The following CLIC5 variants were observed in gnomAD, a reference collection of about 807,000 sequenced individuals.
CLIC5 encodes CLIC family member 5.
A neutral mutation model predicts 24.7 loss-of-function variants in CLIC5; 20 were observed. The ratio of observed to expected loss-of-function variants is 0.81; its 90% CI spans 0.57 to 1.18. The LOEUF is 1.18. CLIC5 is among the 50% of genes most tolerant of loss of function. The probability of loss-of-function intolerance (pLI) is 0.00; values close to 1 mark genes in which losing one functional copy is unlikely to be tolerated. For missense variants in CLIC5, 341 were observed against 326.1 expected (o/e 1.05, Z -0.35); for synonymous variants, 159 against 135.6 (o/e 1.17, Z -1.20).
At chr6:45,958,846 G>T (rs1343927173) in intron 1 of CLIC5, among the ~76,000 whole-genome samples, 1 of 152,034 alleles carries the variant, frequency 6.6e-6, no homozygotes, top group African/African-American at 2.4e-5. Context: ...TATATTCAGT[G>T]CCTATTTAAA....
the CLIC5 span, among the ~76,000 whole-genome samples, chr6:46,087,992 C>T: frequency 1.3e-5 from 2 of 152,124 alleles, no homozygotes; most frequent in Non-Finnish European, 2.9e-5. Context: ...TTTCTCACCC[C>T]AGGTTCTTTT....
At chr6:45,919,717 C>A (rs1277392769) in intron 4 of CLIC5, among the ~76,000 whole-genome samples, 3 of 152,092 alleles carry the variant, frequency 2.0e-5, no homozygotes, top group African/African-American at 7.2e-5. Context: ...ACATCTTAGA[C>A]AATAGGTTGG....
the CLIC5 span, among the ~76,000 whole-genome samples, chr6:46,093,445 A>G: frequency 2.6e-5 from 4 of 152,232 alleles, no homozygotes; most frequent in Non-Finnish European, 5.9e-5. Flanking sequence ...AAGGATACTA[A>G]TATGACTGAT....
intron 6 of CLIC5, among the ~76,000 whole-genome samples, chr6:45,881,582 C>T (rs371280857): frequency 2.6e-5 from 4 of 152,182 alleles, no homozygotes; most frequent in East Asian, 3.9e-4. Context: ...TTTTTGTTTG[C>T]ATTAAGTGTG....
At chr6:45,995,253 G>A (rs1158121234) in intron 1 of CLIC5, among the ~76,000 whole-genome samples, 2 of 152,200 alleles carry the variant, frequency 1.3e-5, no homozygotes, top group East Asian at 3.8e-4. Context: ...AATACATAGA[G>A]TTGTGGGGAT....
chr6:46,079,258 T>A (rs1762855582), intron 1 of CLIC5, among the ~76,000 whole-genome samples: 1 of 152,226 alleles, frequency 6.6e-6, no homozygotes, highest in Admixed American at 6.5e-5. Context: ...GTGACAGAGA[T>A]AGCCTTTATT....
intron 4 of CLIC5, among the ~76,000 whole-genome samples, chr6:45,927,763 C>T (rs1367407142): frequency 6.6e-6 from 1 of 152,140 alleles, no homozygotes; most frequent in Non-Finnish European, 1.5e-5. Flanking sequence ...GATGAGGATG[C>T]TGTGAAACTA....
chr6:46,043,678 C>T (rs186543921), intron 1 of CLIC5, among the ~76,000 whole-genome samples: 5 of 152,332 alleles, frequency 3.3e-5, no homozygotes, highest in African/African-American at 1.2e-4. Flanking sequence ...AACACACACA[C>T]ACAAAATCTG....
the CLIC5 span, among the ~76,000 whole-genome samples, chr6:46,113,842 G>T: frequency 6.6e-6 from 1 of 152,174 alleles, no homozygotes; most frequent in Non-Finnish European, 1.5e-5. Flanking sequence ...AACATGCACA[G>T]TGGGGTAAAC....
chr6:46,046,473 T>A (rs1767955619), intron 1 of CLIC5, among the ~76,000 whole-genome samples: 1 of 152,174 alleles, frequency 6.6e-6, no homozygotes, highest in African/African-American at 2.4e-5. Flanking sequence ...CAAAAGTCTC[T>A]TTAACATCAG....
intron 5 of CLIC5, chr6:45,911,889 G>A: frequency 1.0e-6 from 1 of 985,494 alleles, no homozygotes. Context: ...GCTTGACTTT[G>A]GGAGATGAGA....
intron 2 of CLIC5, among the ~76,000 whole-genome samples, chr6:45,953,269 G>A (rs529712474): frequency 6.6e-6 from 1 of 152,210 alleles, no homozygotes; most frequent in Non-Finnish European, 1.5e-5. Flanking sequence ...TTTACCAGTT[G>A]TAAAGCATTA....
intron 1 of CLIC5, among the ~76,000 whole-genome samples, chr6:45,992,668 T>C (rs1388261439): frequency 3.9e-5 from 6 of 152,204 alleles, no homozygotes. Context: ...TGTAAGTCTG[T>C]ATCAGTGTTT....
chr6:46,079,936 T>TGTCCTCCTGGGGCTCACCTGGATG, exon 1 of CLIC5: 1 of 1,551,748 alleles, frequency 6.4e-7, no homozygotes. Context: ...GAGATGCCCC[T>TGTCCTCCTGGGGCTCACCTGGATG]GTCCTCCTGG....
chr6:45,989,348 C>T (rs1373877338), intron 1 of CLIC5, among the ~76,000 whole-genome samples: 1 of 152,126 alleles, frequency 6.6e-6, no homozygotes, highest in Non-Finnish European at 1.5e-5. Context: ...TATTCTCATT[C>T]CTGATATTAT....
At chr6:45,925,566 T>TC (rs1410004122) in intron 4 of CLIC5, among the ~76,000 whole-genome samples, 1 of 152,192 alleles carries the variant, frequency 6.6e-6, no homozygotes, top group African/African-American at 2.4e-5. Context: ...CCGCCTGCCC[T>TC]GGCCTCCCAA....
intron 1 of CLIC5, among the ~76,000 whole-genome samples, chr6:46,066,580 T>C (rs968822704): frequency 2.6e-5 from 4 of 152,176 alleles, no homozygotes; most frequent in Non-Finnish European, 5.9e-5. Context: ...CACATATTTA[T>C]GAGCCCTGAC....
Position 45,886,032 on chromosome 6 carries a change from G to C in CLIC5, c.624-4844C>G, listed in dbSNP as rs1762302030. Among the ~76,000 whole-genome samples, 3 of 152,292 alleles carry C rather than the reference G, an allele frequency of 2.0e-5. No homozygotes were observed. In the South Asian group the frequency reaches 6.2e-4, roughly 32 times the overall value. On this transcript the variant is annotated intron_variant, in intron 6 of 6. Transcript: ENST00000644324. ...ACTAAAGGGTGGGACCAATTGGCTA[G>C]AGCAGTAACTGAAAGATGAAACCCC...
intron 1 of CLIC5, among the ~76,000 whole-genome samples, chr6:46,001,059 C>T (rs138541580): frequency 4.6e-5 from 7 of 152,304 alleles, no homozygotes; most frequent in African/African-American, 7.2e-5. Context: ...AAAGTTGCCT[C>T]GCCCTAGTTA....
Sources: gnomAD v4.1 joint callset for allele counts (sites outside exome capture counted in the v4.1 genomes callset) on GRCh38, gnomAD v4.1.1 for gene constraint, MANE v1.5 for transcripts, NCBI Gene and HGNC (gene_info 2026-07-23, HGNC 2026-07-21) for gene names.